The following PRKCA variants were observed in gnomAD, a reference collection of about 807,000 sequenced individuals.
PRKCA encodes protein kinase C alpha.
A neutral mutation model predicts 87.0 loss-of-function variants in PRKCA; 27 were observed. The ratio of observed to expected loss-of-function variants is 0.31; its 90% confidence interval spans 0.23 to 0.43. The LOEUF is 0.43. Ranked by LOEUF, PRKCA falls within the 20% of genes least tolerant of loss-of-function variation. The pLI is 1.00. For missense variants in PRKCA, 518 were observed against 852.3 expected (o/e 0.61, Z 4.88); for synonymous variants, 329 against 311.1 (o/e 1.06, Z -0.61).
At chr17:66,432,417 A>G (rs1913147019) in intron 2 of PRKCA, among the ~76,000 whole-genome samples, 1 of 152,152 alleles carries the variant, frequency 6.6e-6, no homozygotes, top group African/African-American at 2.4e-5. Context: ...CTCTTCCTCC[A>G]CATACGCTTT....
In PRKCA at chr17:66,810,478, A is replaced by G. The variant is rs766787190; in HGVS notation, c.*6441A>G. Reference sequence around the variant, plus strand: ...ACGTTTAAATCATTAATTGAAAAACATCATATAAGCCCCAACTTTGTTTGG... The same window carrying G: ...ACGTTTAAATCATTAATTGAAAAACGTCATATAAGCCCCAACTTTGTTTGG... On this transcript the variant is annotated 3_prime_UTR_variant, in exon 17 of 17. Transcript: ENST00000413366. 2.6e-5 allele frequency: 4 copies of G among 152,250 alleles called. No homozygotes were observed. The highest frequency in any genetic ancestry group is 5.9e-5 in the Non-Finnish European group (4 of 68,040). The allele number at this position is 152,250 out of a possible 1,614,324, so 9.4% of individuals were successfully genotyped here.
At chr17:66,406,526 C>G (rs11868962) in intron 2 of PRKCA, among the ~76,000 whole-genome samples, 1 of 136,758 alleles carries the variant, frequency 7.3e-6, no homozygotes, top group Non-Finnish European at 1.5e-5. Flanking sequence ...TGCCAAGAGT[C>G]TATGGCAGGG....
chr17:66,376,798 A>T (rs1909445185), intron 2 of PRKCA, among the ~76,000 whole-genome samples: 1 of 151,996 alleles, frequency 6.6e-6, no homozygotes, highest in South Asian at 2.1e-4. Context: ...GGGGGTCCCC[A>T]TGTAAGTCCT....
intron 2 of PRKCA, among the ~76,000 whole-genome samples, chr17:66,313,004 G>T (rs752961975): frequency 3.3e-5 from 5 of 152,112 alleles, no homozygotes; most frequent in African/African-American, 1.2e-4. Flanking sequence ...ATCCCAAAGT[G>T]CTGGGATTAC....
At chr17:66,596,668 G>A (rs1969990370) in intron 3 of PRKCA, among the ~76,000 whole-genome samples, 1 of 105,144 alleles carries the variant, frequency 9.5e-6, no homozygotes, top group Non-Finnish European at 1.8e-5. Context: ...CCATGCTGGT[G>A]CGCTGCACCC....
At chr17:66,775,378 G>A (rs1443972959) in intron 14 of PRKCA, 1 of 984,508 alleles carries the variant, frequency 1.0e-6, no homozygotes, top group East Asian at 1.1e-4. Flanking sequence ...CCTAGAAATG[G>A]CATGTATCAC....
intron 2 of PRKCA, among the ~76,000 whole-genome samples, chr17:66,368,919 T>C (rs1267938506): frequency 6.6e-6 from 1 of 152,170 alleles, no homozygotes; most frequent in African/African-American, 2.4e-5. Flanking sequence ...CCAGGAGACA[T>C]CTCAACCTCT....
intron 13 of PRKCA, among the ~76,000 whole-genome samples, chr17:66,754,503 G>A (rs941685115): frequency 1.6e-4 from 24 of 152,156 alleles, no homozygotes; most frequent in African/African-American, 2.4e-4. Context: ...ACGAGGGTAC[G>A]ACCTAGCACG....
Position 66,354,120 on chromosome 17 carries a change from T to C in PRKCA, c.205+47993T>C, listed in dbSNP as rs560634792. On this transcript the variant is annotated intron_variant, in intron 2 of 16. Transcript: ENST00000413366. Reference sequence around the variant, plus strand: ...GCTAGGATCGCAGACGCGAACATTGTTTCTTCCTGAATTGTGTCCTTGAGT... The same window carrying C: ...GCTAGGATCGCAGACGCGAACATTGCTTCTTCCTGAATTGTGTCCTTGAGT... Among the ~76,000 whole-genome samples, 6 of 152,366 alleles carry C rather than the reference T, an allele frequency of 3.9e-5. No homozygotes were observed. The East Asian group carries it at 9.6e-4, about 24-fold the overall frequency.
At chr17:66,538,699 T>G (rs369796156) in intron 3 of PRKCA, among the ~76,000 whole-genome samples, 4 of 152,234 alleles carry the variant, frequency 2.6e-5, no homozygotes, top group Non-Finnish European at 5.9e-5. Flanking sequence ...TCATCCCTTG[T>G]GGGCAGTACT....
chr17:66,652,854 C>T (rs1305097251), intron 5 of PRKCA, among the ~76,000 whole-genome samples: 11 of 152,230 alleles, frequency 7.2e-5, no homozygotes. Flanking sequence ...ACTCTATGAC[C>T]CTCCCCTGCC....
At chr17:66,359,282 C>T (rs970301628) in intron 2 of PRKCA, among the ~76,000 whole-genome samples, 25 of 152,020 alleles carry the variant, frequency 1.6e-4, no homozygotes, top group Admixed American at 7.2e-4. Context: ...CACAGACACG[C>T]GTCACTTTAA....
intron 5 of PRKCA, among the ~76,000 whole-genome samples, chr17:66,662,974 T>C (rs1971947775): frequency 6.6e-6 from 1 of 152,120 alleles, no homozygotes; most frequent in African/African-American, 2.4e-5. Flanking sequence ...GGGAAAGTCG[T>C]CGATTCTGCA....
intron 2 of PRKCA, among the ~76,000 whole-genome samples, chr17:66,473,528 A>G (rs1478752510): frequency 6.6e-6 from 1 of 152,086 alleles, no homozygotes; most frequent in African/African-American, 2.4e-5. Context: ...AGCCTTTCCC[A>G]TTCTACTGTT....
At chr17:66,747,836 C>G (rs7215993) in intron 13 of PRKCA, among the ~76,000 whole-genome samples, 1 of 152,192 alleles carries the variant, frequency 6.6e-6, no homozygotes, top group African/African-American at 2.4e-5. Context: ...TCCAGCCACA[C>G]GCAAGCCCCT....
chr17:66,451,427 T>A (rs759927720), intron 2 of PRKCA, among the ~76,000 whole-genome samples: 3 of 152,066 alleles, frequency 2.0e-5, no homozygotes, highest in Non-Finnish European at 4.4e-5. Context: ...TTGATTATTA[T>A]CACATTTTGG....
intron 2 of PRKCA, among the ~76,000 whole-genome samples, chr17:66,419,913 T>A (rs555935423): frequency 1.3e-5 from 2 of 152,264 alleles, no homozygotes; most frequent in Admixed American, 6.5e-5. Context: ...GCCCAGCACT[T>A]ACTGAGCCAC....
At chr17:66,487,091 A>C (rs1209236681) in intron 2 of PRKCA, among the ~76,000 whole-genome samples, 2 of 152,206 alleles carry the variant, frequency 1.3e-5, no homozygotes, top group African/African-American at 4.8e-5. Flanking sequence ...TAAGTTATTA[A>C]CTATAATTTC....
At position 66,328,153 on chromosome 17, in the gene PRKCA, G is replaced by C. The variant is rs751064704; in HGVS notation, c.205+22026G>C. Among the ~76,000 whole-genome samples, 17 of 152,250 alleles carry C rather than the reference G, an allele frequency of 1.1e-4. 1 individual carries two copies. Among genetic ancestry groups the C allele is most frequent in the Non-Finnish European group, 1.6e-4 (11 of 68,004 alleles). On this transcript the variant is annotated intron_variant, in intron 2 of 16. Coordinates refer to ENST00000413366, the MANE Select transcript of PRKCA (RefSeq NM_002737.3). ...TCAATCTCCTGGGCTCGGTCCTCCT[G>C]CCTCAGCCTCCAGAGTAGCTGGGTG...
Sources: gnomAD v4.1 joint callset for allele counts (sites outside exome capture counted in the v4.1 genomes callset) on GRCh38, gnomAD v4.1.1 for gene constraint, MANE v1.5 for transcripts, NCBI Gene and HGNC (gene_info 2026-07-23, HGNC 2026-07-21) for gene names.